Variants in ERBB2 observed in about 807,000 individuals in gnomAD.
ERBB2 encodes the protein receptor tyrosine-protein kinase erbB-2.
Under a neutral mutation model 149.0 loss-of-function variants are expected in ERBB2, and 61 were observed. That is an observed-to-expected ratio of 0.41 (90% CI 0.33 to 0.51). The LOEUF (loss-of-function observed/expected upper bound fraction) is 0.51. ERBB2 is among the 20% of genes least tolerant of loss of function. The pLI is 0.25. For missense variants in ERBB2, 1,205 were observed against 1,655.1 expected (o/e 0.73, Z 4.72); for synonymous variants, 633 against 678.8 (o/e 0.93, Z 1.05).
In ERBB2 at chr17:39,725,222, G is replaced by T. The variant is rs772838661; in HGVS notation, c.2649+18G>T. On this transcript the variant is annotated intron_variant, in intron 21 of 26. Transcript: ENST00000269571. This position sits in a 1 kb window ranked among gnomAD's most constrained non-coding sequence, Gnocchi z 4.6. ...GGGGCAAGGTTAGGTGAAGGACCAA[G>T]GAGCAGAGGAGGCTGGGTGGAGTGG... is the stretch of plus-strand genomic sequence containing the variant. 6.2e-7 allele frequency: 1 copy of T among 1,614,136 alleles called. No individual in the cohort carries two copies. Among genetic ancestry groups the T allele is most frequent in the Non-Finnish European group, 8.5e-7 (1 of 1,180,008 alleles).
intron 1 of ERBB2, among the ~76,000 whole-genome samples, chr17:39,701,421 C>T (rs922906004): frequency 2.0e-5 from 3 of 152,104 alleles, no homozygotes; most frequent in African/African-American, 4.8e-5. Flanking sequence ...CATTCGAAAT[C>T]GCTATATGGA....
upstream of ERBB2, among the ~76,000 whole-genome samples, chr17:39,697,361 T>G (rs1424083139): frequency 4.0e-5 from 6 of 150,398 alleles, no homozygotes; most frequent in East Asian, 1.9e-4. Flanking sequence ...TTTGTTTTTT[T>G]TTTTTTTTTT....
intron 1 of ERBB2, among the ~76,000 whole-genome samples, chr17:39,702,930 T>C (rs2058195012): frequency 6.6e-6 from 1 of 152,232 alleles, no homozygotes; most frequent in Non-Finnish European, 1.5e-5. Flanking sequence ...TAGAGTCTTA[T>C]TCCAGCCAAC....
upstream of ERBB2, among the ~76,000 whole-genome samples, chr17:39,697,329 T>A (rs1380545260): frequency 6.6e-6 from 1 of 151,654 alleles, no homozygotes; most frequent in Non-Finnish European, 1.5e-5. Flanking sequence ...ACTATATGAA[T>A]GTGCTAGGGT....
intron 1 of ERBB2, 58 bp downstream of exon 1, chr17:39,700,369 C>T (rs2145274345): frequency 2.4e-6 from 3 of 1,236,190 alleles, no homozygotes; most frequent in South Asian, 3.0e-5. Context: ...TGTGGATGCC[C>T]CGCCGAGGTC....
At position 39,727,159 on chromosome 17, in the gene ERBB2, C is replaced by T; in HGVS notation, c.3160-136C>T. ...CTTACTGCCTTCCAACCCCTGTGAC[C>T]CCATTCTCTCCACGGTGACTGTGTC... On this transcript the variant is annotated intron_variant, in intron 25 of 26. Transcript: ENST00000269571. The surrounding 1 kb of genome is among the most constrained non-coding windows in gnomAD (Gnocchi z 4.3). 1 of 1,258,580 alleles carries T rather than the reference C, an allele frequency of 7.9e-7. No individual in the cohort carries two copies. Among genetic ancestry groups the T allele is most frequent in the Non-Finnish European group, 1.1e-6 (1 of 893,362 alleles). 78.0% of individuals were successfully genotyped at this position (1,258,580 alleles called of 1,614,324 possible). A position where few individuals can be genotyped will look rare whatever the true frequency, so the allele number is the denominator to read the frequency against.
Position 39,727,487 on chromosome 17 carries a change from G to A in ERBB2, c.3352G>A (p.Val1118Ile), listed in dbSNP as rs928539621. 1 of 1,606,122 alleles carries A rather than the reference G, an allele frequency of 6.2e-7. No homozygotes were observed. Among genetic ancestry groups the A allele is most frequent in the Admixed American group, 1.8e-5 (1 of 56,914 alleles). Residue 1118 changes from valine to isoleucine, a missense_variant, in exon 26 of 27, where the codon GTA becomes ATA. Val to Ile is a conservative substitution (Grantham distance 29, BLOSUM62 3). Transcript: ENST00000269571. The surrounding 1 kb of genome is among the most constrained non-coding windows in gnomAD (Gnocchi z 4.3). ...PLQRYSEDPT[V>I]PLPSETDGYV... The stretch of plus-strand genomic sequence containing the variant: ...ACAGCGGTACAGTGAGGACCCCACA[G>A]TACCCCTGCCCTCTGAGACTGATGG...
rs2059065137 is a variant in ERBB2, at chr17:39,715,459, C to G, written c.1236C>G (p.Ile412Met). 1 of 1,614,220 alleles carries G rather than the reference C, an allele frequency of 6.2e-7. No individual in the cohort carries two copies. The highest frequency in any genetic ancestry group is 8.5e-7 in the Non-Finnish European group (1 of 1,180,038). The change falls in exon 11 of 27, where the codon ATC becomes ATG. Residue 412 changes from isoleucine (I) to methionine (M), a missense_variant. This residue lies in a region of ERBB2 where 569 missense variants were observed against 803.5 expected (regional missense o/e 0.71). Coordinates refer to ENST00000269571, the MANE Select transcript of ERBB2 (RefSeq NM_004448.4). ...CTCTGCCTGCAGGTTACCTATACAT[C>G]TCAGCATGGCCGGACAGCCTGCCTG... ...TLEEITGYLY[I>M]SAWPDSLPDL...
intron 1 of ERBB2, 38 bp from the exon 2 acceptor site, chr17:39,706,952 C>T (rs368864942): frequency 4.6e-5 from 69 of 1,484,618 alleles, no homozygotes; most frequent in Admixed American, 4.0e-4. Context: ...GAAGGTCCCC[C>T]GCCAGTGTCC....
At chr17:39,701,341 A>G (rs565547407) in intron 1 of ERBB2, among the ~76,000 whole-genome samples, 123 of 152,260 alleles carry the variant, frequency 8.1e-4, no homozygotes, top group Non-Finnish European at 1.5e-3. Flanking sequence ...GTAGCAGTCC[A>G]GAGGTTGAGT....
intron 9 of ERBB2, among the ~76,000 whole-genome samples, chr17:39,712,983 G>C (rs2058898714): frequency 6.6e-6 from 1 of 152,128 alleles, no homozygotes; most frequent in African/African-American, 2.4e-5. Flanking sequence ...GTTGCCCCAG[G>C]GTGGGGGGCT....
intron 5 of ERBB2, 77 bp downstream of exon 5, chr17:39,709,958 A>G: frequency 9.3e-6 from 13 of 1,393,406 alleles, no homozygotes; most frequent in Non-Finnish European, 1.3e-5. Flanking sequence ...TACAGGTGAC[A>G]TGGGAGGGGT....
chr17:39,701,713 C>G (rs1295145808), intron 1 of ERBB2, among the ~76,000 whole-genome samples: 3 of 152,262 alleles, frequency 2.0e-5, no homozygotes, highest in Non-Finnish European at 4.4e-5. Context: ...TCTCTGCTGA[C>G]TTGGGGACAC....
chr17:39,695,730 C>G (rs1466942222), upstream of ERBB2, among the ~76,000 whole-genome samples: 1 of 150,800 alleles, frequency 6.6e-6, no homozygotes, highest in East Asian at 2.0e-4. Flanking sequence ...CACACACACA[C>G]ACACACACAC....
intron 5 of ERBB2, 47 bp downstream of exon 5, chr17:39,709,928 C>T (rs1426931309): frequency 1.1e-5 from 16 of 1,413,648 alleles, no homozygotes; most frequent in East Asian, 4.6e-5. Flanking sequence ...GGGCTGGGGC[C>T]GGGTGGAATG....
At chr17:39,697,557 T>C (rs553346880), upstream of ERBB2, among the ~76,000 whole-genome samples, 39 of 151,840 alleles carry the variant, frequency 2.6e-4, no homozygotes, top group Non-Finnish European at 4.9e-4. Flanking sequence ...GGTTTCTCCA[T>C]GTTGGTCAGG....
At position 39,688,134 on chromosome 17, in the gene ERBB2, A is replaced by G. The variant is rs923815405; in HGVS notation, c.-526A>G. The G allele has an allele frequency of 3.0e-6, 3 of 1,000,774 alleles. No individual in the cohort carries two copies. In the African/African-American group the frequency reaches 5.0e-5, roughly 17 times the overall value. The allele number at this position is 1,000,774 out of a possible 1,614,324, so 62.0% of individuals were successfully genotyped here. On this transcript the variant is annotated 5_prime_UTR_variant, in exon 1 of 18. Transcript: ENST00000578199. ...CTCCGCTGAAGTCCACACAGTTTAA[A>G]TTAAAGTTCCCGGATTTTTGTGGGC...
At chr17:39,724,288 TGA>T (rs1567912511) in intron 19 of ERBB2, among the ~76,000 whole-genome samples, 2 of 144,198 alleles carry the variant, frequency 1.4e-5, no homozygotes, top group African/African-American at 5.1e-5. Flanking sequence ...TTTTTTTTTT[TGA>T]GACAGAGTCT....
chr17:39,725,148 G>A lies in ERBB2; in HGVS notation c.2593G>A (p.Gly865Arg). The A allele has an allele frequency of 2.5e-6, 4 of 1,614,100 alleles. No individual in the cohort carries two copies. The highest frequency in any genetic ancestry group is 2.5e-6 in the Non-Finnish European group (3 of 1,180,046). Residue 865 changes from glycine (G) to arginine (R), a missense_variant, in exon 21 of 27, where the codon GGG becomes AGG. Around this residue, in one of 6 missense-constraint regions of ERBB2, gnomAD observed 152 missense variants for 318.1 expected, o/e 0.48. Transcript: ENST00000269571. The surrounding 1 kb of genome is among the most constrained non-coding windows in gnomAD (Gnocchi z 4.6). ...CAACCATGTCAAAATTACAGACTTC[G>A]GGCTGGCTCGGCTGCTGGACATTGA... ...SPNHVKITDFGLARLLDIDET... is the reference protein window; with the variant it reads ...SPNHVKITDFRLARLLDIDET...
Sources: allele counts gnomAD v4.1 joint callset (sites outside exome capture counted in the v4.1 genomes callset), GRCh38; gene constraint gnomAD v4.1.1; regional missense constraint gnomAD v4.1.1; non-coding constraint Gnocchi (gnomAD v3.1); transcripts MANE v1.5; gene names NCBI Gene and HGNC (gene_info 2026-07-23, HGNC 2026-07-21).